Variants in REEP1 observed in about 807,000 individuals in gnomAD.
REEP1 encodes receptor accessory protein 1.
In REEP1, 22 loss-of-function variants were observed where a neutral mutation model predicts 40.3. The ratio of observed to expected loss-of-function variants is 0.55; its 90% CI spans 0.39 to 0.78. REEP1 has a LOEUF of 0.78. REEP1 is among the 30% of genes least tolerant of loss of function. The pLI is 0.00. For synonymous variants in REEP1, 116 were observed against 139.2 expected, an observed-to-expected ratio of 0.83 and a Z score of 1.17; for missense variants, 280 against 361.1, an observed-to-expected ratio of 0.78 and a Z score of 1.82.
chr2:86,216,977 G>T lies in REEP1; in HGVS notation c.*62C>A. 2.1e-6 allele frequency: 3 copies of T among 1,436,072 alleles called. No homozygotes were observed. The highest frequency in any genetic ancestry group is 2.9e-6 in the Non-Finnish European group (3 of 1,019,956). 89.0% of individuals were successfully genotyped at this position (1,436,072 alleles called of 1,614,324 possible). The stretch of plus-strand genomic sequence containing the variant: ...GCTTGCGGATTTCTATGTTATTAGT[G>T]AATAGCTCTTTAAGGCAGAGAAGAA... On this transcript the variant is annotated 3_prime_UTR_variant, in exon 9 of 9. Coordinates refer to ENST00000538924, the MANE Select transcript of REEP1 (RefSeq NM_001371279.1).
At chr2:86,277,678 C>T (rs1038300707) in intron 2 of REEP1, among the ~76,000 whole-genome samples, 1 of 152,072 alleles carries the variant, frequency 6.6e-6, no homozygotes, top group Non-Finnish European at 1.5e-5. Flanking sequence ...ACAAATCCCA[C>T]TAAAGCTCTA....
chr2:86,317,213 A>G (rs987413994), intron 1 of REEP1, among the ~76,000 whole-genome samples: 1 of 152,226 alleles, frequency 6.6e-6, no homozygotes, highest in Non-Finnish European at 1.5e-5. Context: ...GTCAAAAGAC[A>G]TAACAGCCAA....
At chr2:86,251,634 G>T (rs570267225) in intron 5 of REEP1, 11 of 381,828 alleles carry the variant, frequency 2.9e-5, no homozygotes, top group Non-Finnish European at 5.5e-5. Context: ...AGGCCTAAGT[G>T]CCAAGTAAGT....
Position 86,216,995 on chromosome 2 carries a change from G to GAGAA in REEP1, c.*40_*43dup. ...TATTAGTGAATAGCTCTTTAAGGCA[G>GAGAA]AGAAGAAACATTCTGTGGATCCGGT... is the stretch of plus-strand genomic sequence containing the variant. On this transcript the variant is annotated 3_prime_UTR_variant, in exon 9 of 9. Transcript: ENST00000538924. The GAGAA allele has an allele frequency of 6.4e-7, 1 of 1,554,008 alleles. No individual in the cohort carries two copies. The highest frequency in any genetic ancestry group is 8.9e-7 in the Non-Finnish European group (1 of 1,125,620).
chr2:86,235,165 A>C (rs1675247372), intron 5 of REEP1, among the ~76,000 whole-genome samples: 1 of 152,196 alleles, frequency 6.6e-6, no homozygotes, highest in South Asian at 2.1e-4. Flanking sequence ...CCAAAAATAC[A>C]GTTTGATTTC....
chr2:86,279,196 A>G (rs760486351), intron 2 of REEP1, among the ~76,000 whole-genome samples: 65 of 152,246 alleles, frequency 4.3e-4, no homozygotes, highest in Middle Eastern at 3.4e-3. Flanking sequence ...GCAAGTTCCC[A>G]GGTGATGCAG....
intron 5 of REEP1, among the ~76,000 whole-genome samples, chr2:86,246,015 T>C (rs531438951): frequency 0.011 from 1,680 of 152,194 alleles, 28 homozygotes; most frequent in African/African-American, 0.036. Context: ...CCGCCCGCCT[T>C]GGCCTCCCAA....
upstream of REEP1, chr2:86,337,649 G>A (rs1379005060): frequency 8.6e-6 from 9 of 1,046,998 alleles, no homozygotes; most frequent in Non-Finnish European, 1.0e-5. This position sits in a 1 kb window ranked among gnomAD's most constrained non-coding sequence, Gnocchi z 5.8. Flanking sequence ...CGCCCTGCCC[G>A]GCGTTCGCGC....
At chr2:86,259,417 C>T (rs539442948) in intron 3 of REEP1, among the ~76,000 whole-genome samples, 6 of 151,094 alleles carry the variant, frequency 4.0e-5, no homozygotes, top group East Asian at 1.9e-4. Flanking sequence ...GACAGAGTTT[C>T]ACTCTGTCGC....
chr2:86,236,953 C>G (rs748826502), intron 5 of REEP1, among the ~76,000 whole-genome samples: 2 of 152,186 alleles, frequency 1.3e-5, no homozygotes, highest in Non-Finnish European at 2.9e-5. Flanking sequence ...CCAGGATGGT[C>G]TCGATCTCCT....
chr2:86,335,917 CCCAG>C (rs1475750680), intron 1 of REEP1, among the ~76,000 whole-genome samples: 3 of 143,410 alleles, frequency 2.1e-5, no homozygotes, highest in African/African-American at 7.5e-5. Context: ...AGTCACATGA[CCCAG>C]TGCTAATAAA....
chr2:86,325,288 A>G (rs1426441528), intron 1 of REEP1, among the ~76,000 whole-genome samples: 1 of 152,194 alleles, frequency 6.6e-6, no homozygotes, highest in South Asian at 2.1e-4. Flanking sequence ...TTAGAACATC[A>G]AAGTGTTCCC....
intron 2 of REEP1, among the ~76,000 whole-genome samples, chr2:86,273,685 C>CT (rs946557760): frequency 2.6e-5 from 4 of 152,156 alleles, no homozygotes; most frequent in Non-Finnish European, 2.9e-5. Context: ...AACAAAGCAT[C>CT]TTTTTTTGCG....
intron 1 of REEP1, among the ~76,000 whole-genome samples, chr2:86,328,860 G>A (rs184883997): frequency 3.5e-4 from 54 of 152,292 alleles, no homozygotes; most frequent in African/African-American, 9.9e-4. Flanking sequence ...CCGTGGCAGC[G>A]TCTAGGGGTG....
At chr2:86,331,299 T>C (rs76889930) in intron 1 of REEP1, among the ~76,000 whole-genome samples, 4,604 of 152,304 alleles carry the variant, frequency 0.03, 121 homozygotes, top group East Asian at 0.072. Context: ...GACCAATGTC[T>C]GTGCCCAGGG....
At chr2:86,221,182 AC>A (rs993482248) in intron 7 of REEP1, among the ~76,000 whole-genome samples, 1 of 152,138 alleles carries the variant, frequency 6.6e-6, no homozygotes, top group African/African-American at 2.4e-5. Context: ...GACTTGCTAG[AC>A]TATACCACCA....
At chr2:86,314,781 A>C (rs571208211) in intron 1 of REEP1, among the ~76,000 whole-genome samples, 1 of 148,634 alleles carries the variant, frequency 6.7e-6, no homozygotes, top group Non-Finnish European at 1.5e-5. Flanking sequence ...GAGCCCAACA[A>C]GCAGATGCTC....
intron 5 of REEP1, among the ~76,000 whole-genome samples, chr2:86,247,664 G>C (rs759304308): frequency 3.9e-4 from 60 of 151,914 alleles, no homozygotes; most frequent in Middle Eastern, 3.4e-3. Flanking sequence ...TCCACCTCCC[G>C]GGTTCAAGTG....
At position 86,248,575 on chromosome 2, in the gene REEP1, C is replaced by T. The variant is rs560742841; in HGVS notation, c.417+3382G>A. Among the ~76,000 whole-genome samples, 4 of 152,100 alleles carry T rather than the reference C, an allele frequency of 2.6e-5. 1 individual carries two copies. The South Asian group carries it at 8.3e-4, about 32-fold the overall frequency. On this transcript the variant is annotated intron_variant, in intron 5 of 8. Coordinates refer to ENST00000538924, the MANE Select transcript of REEP1 (RefSeq NM_001371279.1). ...CGATGATCCTCCTGCCTCTGCCTCC[C>T]AGGTAGCTGGGACTATAGGCACATG...
Sources: allele counts gnomAD v4.1 joint callset (sites outside exome capture counted in the v4.1 genomes callset), GRCh38; gene constraint gnomAD v4.1.1; non-coding constraint Gnocchi (gnomAD v3.1); transcripts MANE v1.5; gene names NCBI Gene and HGNC (gene_info 2026-07-23, HGNC 2026-07-21).